The following MARCHF1 variants were observed in gnomAD, a reference collection of about 807,000 sequenced individuals.
MARCHF1 encodes the protein membrane associated ring-CH-type finger 1.
In MARCHF1, 40 loss-of-function variants were observed where a neutral mutation model predicts 54.2. The observed-to-expected ratio is 0.74, with a 90% confidence interval of 0.57 to 0.96. The LOEUF (loss-of-function observed/expected upper bound fraction) is 0.96, where lower values mean the gene tolerates loss of function less well. Ranked by LOEUF, MARCHF1 falls within the 40% of genes least tolerant of loss-of-function variation. MARCHF1 has a pLI of 0.00. For synonymous variants in MARCHF1, 236 were observed against 236.3 expected (o/e 1.00, Z 0.01); for missense variants, 586 against 656.5 (o/e 0.89, Z 1.17).
intron 2 of MARCHF1, among the ~76,000 whole-genome samples, chr4:164,048,957 A>G (rs1754297686): frequency 6.6e-6 from 1 of 152,212 alleles, no homozygotes; most frequent in Non-Finnish European, 1.5e-5. Context: ...TAAGCTAGAT[A>G]ATAACTATGC....
At chr4:164,109,400 T>C (rs1180458421) in intron 2 of MARCHF1, among the ~76,000 whole-genome samples, 1 of 152,004 alleles carries the variant, frequency 6.6e-6, no homozygotes, top group Non-Finnish European at 1.5e-5. Flanking sequence ...AGTCCAGGTT[T>C]ATTATACTTT....
chr4:164,091,366 CAT>C (rs1441401523), intron 2 of MARCHF1, among the ~76,000 whole-genome samples: 2 of 145,998 alleles, frequency 1.4e-5, no homozygotes, highest in East Asian at 2.0e-4. Context: ...AAATTACAAA[CAT>C]ATGTAAAAAT....
At chr4:163,755,933 C>G (rs1746653243) in intron 4 of MARCHF1, among the ~76,000 whole-genome samples, 1 of 152,142 alleles carries the variant, frequency 6.6e-6, no homozygotes, top group Non-Finnish European at 1.5e-5. Flanking sequence ...CTGGGCTTTA[C>G]CTACAATTCA....
intron 1 of MARCHF1, among the ~76,000 whole-genome samples, chr4:164,129,310 C>T (rs1036924958): frequency 1.3e-5 from 2 of 152,008 alleles, no homozygotes; most frequent in African/African-American, 4.8e-5. Flanking sequence ...TATTTTAGAA[C>T]TTATTAAGGC....
chr4:164,197,582 G>A, intron 1 of MARCHF1: 1 of 1,613,216 alleles, frequency 6.2e-7, no homozygotes, highest in Non-Finnish European at 8.5e-7. Flanking sequence ...AAGAATTCCA[G>A]TTCTTCAAAT....
At chr4:164,246,845 A>G (rs1316675719) in intron 1 of MARCHF1, among the ~76,000 whole-genome samples, 3 of 130,026 alleles carry the variant, frequency 2.3e-5, no homozygotes, top group African/African-American at 5.6e-5. Context: ...CAGCCAAAAA[A>G]CACATGAAAA....
chr4:164,244,250 A>G (rs1471300767), intron 1 of MARCHF1, among the ~76,000 whole-genome samples: 1 of 152,010 alleles, frequency 6.6e-6, no homozygotes, highest in Non-Finnish European at 1.5e-5. Context: ...AAATTATAAC[A>G]AACTATCTCT....
chr4:163,737,293 G>A (rs1465431542), intron 4 of MARCHF1, among the ~76,000 whole-genome samples: 2 of 74,086 alleles, frequency 2.7e-5, no homozygotes, highest in Middle Eastern at 6.3e-3. Flanking sequence ...GTATACATGT[G>A]CCATGCTGGT....
chr4:164,082,005 C>T (rs1417069746), intron 2 of MARCHF1, among the ~76,000 whole-genome samples: 2 of 152,174 alleles, frequency 1.3e-5, no homozygotes, highest in Non-Finnish European at 2.9e-5. Context: ...TAGGCCTGTT[C>T]TGTGCGTGTA....
chr4:164,225,892 T>G (rs879840001), intron 1 of MARCHF1, among the ~76,000 whole-genome samples: 15 of 152,142 alleles, frequency 9.9e-5, no homozygotes, highest in Non-Finnish European at 1.9e-4. Flanking sequence ...TCACAACTAT[T>G]GTTTTCTATT....
chr4:164,036,032 G>A (rs116198370), intron 2 of MARCHF1, among the ~76,000 whole-genome samples: 1,936 of 149,798 alleles, frequency 0.013, 29 homozygotes, highest in African/African-American at 0.045. Flanking sequence ...GAATGTGAGA[G>A]GCAGAGGTTG....
At chr4:164,180,489 A>G (rs1225946144) in intron 1 of MARCHF1, among the ~76,000 whole-genome samples, 3 of 151,902 alleles carry the variant, frequency 2.0e-5, no homozygotes, top group African/African-American at 7.3e-5. Flanking sequence ...TTGACTGAAA[A>G]TTATATGGAG....
At position 163,951,010 on chromosome 4, in the gene MARCHF1, C is replaced by A. The variant is rs570101228; in HGVS notation, c.-39+37491G>T. Among the ~76,000 whole-genome samples, 12 of 152,246 alleles carry A rather than the reference C, an allele frequency of 7.9e-5. No homozygotes were observed. The South Asian group carries it at 2.3e-3, about 29-fold the overall frequency. ...GTCATAGTATCAGAGAGAGTCAAGT[C>A]ATGTAAACTGAACAGAGTATCTACC... is the stretch of plus-strand genomic sequence containing the variant. On this transcript the variant is annotated intron_variant, in intron 3 of 9. Transcript: ENST00000514618.
intron 2 of MARCHF1, among the ~76,000 whole-genome samples, chr4:164,082,465 A>G (rs773249766): frequency 1.3e-5 from 2 of 152,210 alleles, no homozygotes; most frequent in Non-Finnish European, 2.9e-5. Context: ...TATGGCTTTG[A>G]GCTAGTTTAC....
At chr4:164,249,764 T>TAAA (rs5863672) in intron 1 of MARCHF1, among the ~76,000 whole-genome samples, 5 of 143,618 alleles carry the variant, frequency 3.5e-5, no homozygotes, top group African/African-American at 1.0e-4. Context: ...CGGTTAGGAT[T>TAAA]AAAAAAAAAA....
intron 4 of MARCHF1, among the ~76,000 whole-genome samples, chr4:163,804,015 CA>C (rs1748157247): frequency 6.6e-6 from 1 of 152,088 alleles, no homozygotes; most frequent in Non-Finnish European, 1.5e-5. Context: ...CTTTTCTAGA[CA>C]AGTTAAGGCT....
chr4:164,095,536 A>G (rs986977758), intron 2 of MARCHF1, among the ~76,000 whole-genome samples: 1 of 152,074 alleles, frequency 6.6e-6, no homozygotes, highest in African/African-American at 2.4e-5. Flanking sequence ...TGTCAAGAGT[A>G]TGAAATAAAA....
chr4:164,071,452 A>ATGATACTT (rs1157857069), intron 2 of MARCHF1, among the ~76,000 whole-genome samples: 5 of 152,138 alleles, frequency 3.3e-5, no homozygotes, highest in African/African-American at 1.2e-4. Flanking sequence ...TGATTAAAAT[A>ATGATACTT]TGATACTTTT....
At chr4:163,573,295 C>A (rs947396387) in intron 8 of MARCHF1, among the ~76,000 whole-genome samples, 152 of 144,344 alleles carry the variant, frequency 1.1e-3, no homozygotes, top group Admixed American at 2.4e-3. Context: ...TGCTTTTTCT[C>A]TTATTATTAT....
Sources: allele counts gnomAD v4.1 joint callset (sites outside exome capture counted in the v4.1 genomes callset), GRCh38; gene constraint gnomAD v4.1.1; transcripts MANE v1.5; gene names NCBI Gene and HGNC (gene_info 2026-07-23, HGNC 2026-07-21).